The following RNF213 variants were observed in gnomAD, a reference collection of about 807,000 sequenced individuals.
The protein encoded by RNF213 is E3 ubiquitin-protein ligase RNF213.
Under a neutral mutation model 514.4 loss-of-function variants are expected in RNF213, and 341 were observed. The ratio of observed to expected loss-of-function variants is 0.66; its 90% CI spans 0.61 to 0.73. RNF213 has a LOEUF of 0.73. Among genes scored for constraint, RNF213 ranks in the 30% least tolerant of loss-of-function variants. RNF213 has a pLI of 0.00. For missense variants in RNF213, 5,767 were observed against 6,615.6 expected (o/e 0.87, Z 4.45); for synonymous variants, 2,655 against 2,658.2 (o/e 1.00, Z 0.04).
intron 20 of RNF213, 77 bp downstream of exon 20, chr17:80,328,554 T>C (rs768213323): frequency 9.3e-6 from 13 of 1,394,382 alleles, no homozygotes; most frequent in Non-Finnish European, 1.2e-5. Context: ...TGGATCACAG[T>C]AGCAGATCTT....
rs570412002 is a variant in RNF213, at chr17:80,328,762, AT to A, written c.3517+288del. ...AGAAGATGAGGGCTTAGAGCCACAC[AT>A]TTCTGGTCTGTGCCCTGCACACATC... is the stretch of plus-strand genomic sequence containing the variant. On this transcript the variant is annotated intron_variant, in intron 20 of 67. Transcript: ENST00000582970. Among the ~76,000 whole-genome samples the A allele has an allele frequency of 5.5e-3, 834 of 152,248 alleles. 4 individuals carry two copies. Among genetic ancestry groups the A allele is most frequent in the African/African-American group, 0.019 (787 of 41,538 alleles).
At position 80,378,441 on chromosome 17, in the gene RNF213, G is replaced by A. The variant is rs2079850515; in HGVS notation, c.13545+645G>A. Among the ~76,000 whole-genome samples the A allele has an allele frequency of 2.6e-5, 4 of 152,154 alleles. No individual in the cohort carries two copies. In the South Asian group the frequency reaches 8.3e-4, roughly 32 times the overall value. ...AGGCTGGTGGGTTGAGCTGACACGT[G>A]GTAGTTAGTTATTAGTATTACTTAC... On this transcript the variant is annotated intron_variant, in intron 54 of 67. Transcript: ENST00000582970.
intron 16 of RNF213, 136 bp from the exon 17 acceptor site, chr17:80,319,054 G>C: frequency 4.4e-6 from 7 of 1,585,990 alleles, no homozygotes; most frequent in Non-Finnish European, 6.0e-6. Context: ...TGCTTTGCGT[G>C]GGCCAGGAGA....
At chr17:80,313,839 GTGGAGGTAC>G (rs1446721200) in intron 15 of RNF213, among the ~76,000 whole-genome samples, 2 of 131,174 alleles carry the variant, frequency 1.5e-5, no homozygotes. Flanking sequence ...GGAGGTGATG[GTGGAGGTAC>G]TGGAGGTGAT....
rs375137546 is a variant in RNF213 at position 80,345,994 on chromosome 17, C to T, written c.7659C>T (p.Ala2553=). Residue 2553 remains alanine, a synonymous_variant, in exon 29 of 68, where the codon GCC becomes GCT. Transcript: ENST00000582970. The surrounding 1 kb of genome is among the most constrained non-coding windows in gnomAD (Gnocchi z 6.0). ...ACAGGGTTAGTATGGAGGAGACGGC[C>T]GACAGGCTGGGCTCCATTCCTCTGA... The part of the protein sequence containing the change: ...LGYRVSMEET[A]DRLGSIPLRQ... 88 of 1,614,032 alleles carry T rather than the reference C, an allele frequency of 5.5e-5. No individual in the cohort carries two copies. The highest frequency in any genetic ancestry group is 1.8e-4 in the East Asian group (8 of 44,896).
chr17:80,279,457 T>G (rs953721528), intron 3 of RNF213, among the ~76,000 whole-genome samples: 1 of 151,602 alleles, frequency 6.6e-6, no homozygotes, highest in Non-Finnish European at 1.5e-5. Flanking sequence ...CTCTTTTTCT[T>G]TTCTTTCTTT....
At chr17:80,380,743 C>T (rs886522472) in intron 55 of RNF213, 88 bp from the exon 56 acceptor site, 44 of 1,449,534 alleles carry the variant, frequency 3.0e-5, no homozygotes, top group South Asian at 6.8e-5. Context: ...TCTTCTCAGC[C>T]GTAAGCCTCA....
At chr17:80,340,608 G>GTTTTTTTTTTTTTTTTTTTTTTTTT (rs1203042611) in intron 26 of RNF213, 1 of 224,576 alleles carries the variant, frequency 4.5e-6, no homozygotes, top group Non-Finnish European at 8.1e-6. Flanking sequence ...TGTACTTTGT[G>GTTTTTTTTTTTTTTTTTTTTTTTTT]GTTTTTTTTT....
At position 80,347,719 on chromosome 17, in the gene RNF213, C is replaced by T. The variant is rs1167604490; in HGVS notation, c.9384C>T (p.Tyr3128=). The change falls in exon 29 of 68, where the codon TAC becomes TAT. Residue 3128 remains tyrosine (Y), a synonymous_variant. Coordinates refer to ENST00000582970, the MANE Select transcript of RNF213 (RefSeq NM_001256071.3). This position sits in a 1 kb window ranked among gnomAD's most constrained non-coding sequence, Gnocchi z 7.2. ...QYYVHLGGQK[Y]VDLGLGTHRV... ...ACGTCCACCTCGGCGGCCAGAAGTA[C>T]GTGGACCTCGGTCTGGGGACCCACC... The T allele has an allele frequency of 1.3e-5, 21 of 1,614,000 alleles. No homozygotes were observed. Among genetic ancestry groups the T allele is most frequent in the African/African-American group, 4.0e-5 (3 of 74,944 alleles).
chr17:80,352,549 G>A, intron 32 of RNF213: 1 of 549,032 alleles, frequency 1.8e-6, no homozygotes, highest in African/African-American at 1.9e-5. Context: ...CCAGAAACAG[G>A]AAAGTAAGTT....
chr17:80,298,029 G>A (rs907992361), intron 10 of RNF213, among the ~76,000 whole-genome samples: 10 of 152,208 alleles, frequency 6.6e-5, no homozygotes, highest in African/African-American at 2.4e-4. Flanking sequence ...CCCCAGCTCT[G>A]TCAGTCAGGA....
At chr17:80,300,001 G>A (rs1010575468) in intron 11 of RNF213, among the ~76,000 whole-genome samples, 1 of 152,094 alleles carries the variant, frequency 6.6e-6, no homozygotes, top group Admixed American at 6.6e-5. Context: ...CTTTGCTATT[G>A]TGAATTGTGC....
chr17:80,353,999 C>T lies in RNF213; in HGVS notation c.10579-20C>T. The T allele has an allele frequency of 1.2e-6, 2 of 1,613,508 alleles. No homozygotes were observed. The highest frequency in any genetic ancestry group is 1.1e-5 in the South Asian group (1 of 91,070). On this transcript the variant is annotated intron_variant, in intron 34 of 67. Transcript: ENST00000582970. This position sits in a 1 kb window ranked among gnomAD's most constrained non-coding sequence, Gnocchi z 5.0. ...TGTGTCAGTGGCAGAAACGGATGAC[C>T]CAACCGTCTCCACCAACAGGTGTCG...
chr17:80,327,470 G>T (rs1164472891), intron 18 of RNF213, among the ~76,000 whole-genome samples: 1 of 146,270 alleles, frequency 6.8e-6, no homozygotes, highest in Non-Finnish European at 1.5e-5. Flanking sequence ...GACAGAGAGA[G>T]ACCCTGTCAA....
At chr17:80,355,196 C>G in intron 36 of RNF213, 1 of 456,066 alleles carries the variant, frequency 2.2e-6, no homozygotes, top group Non-Finnish European at 4.4e-6. Flanking sequence ...TTTCCCATCT[C>G]TAAAAGACAG....
At chr17:80,295,480 G>A (rs1260156125) in intron 9 of RNF213, 77 bp from the exon 10 acceptor site, 3 of 1,571,530 alleles carry the variant, frequency 1.9e-6, no homozygotes, top group Non-Finnish European at 2.6e-6. Flanking sequence ...CCCTAGCTGT[G>A]GTGCTGGGGC....
chr17:80,330,481 G>A (rs1250415069), intron 20 of RNF213, among the ~76,000 whole-genome samples: 7 of 152,208 alleles, frequency 4.6e-5, no homozygotes, highest in Non-Finnish European at 7.3e-5. Context: ...TGGGAGCCAA[G>A]AGGGAGAAGC....
chr17:80,286,116 G>T (rs1329786356), intron 3 of RNF213, among the ~76,000 whole-genome samples: 1 of 152,204 alleles, frequency 6.6e-6, no homozygotes, highest in East Asian at 1.9e-4. Context: ...CACCAAGTGT[G>T]CCATTTCAGC....
intron 11 of RNF213, among the ~76,000 whole-genome samples, chr17:80,302,058 C>A (rs2045198306): frequency 6.6e-6 from 1 of 152,218 alleles, no homozygotes; most frequent in South Asian, 2.1e-4. Context: ...CATATTCCCA[C>A]TCATACGTGG....
Sources: gnomAD v4.1 joint callset for allele counts (sites outside exome capture counted in the v4.1 genomes callset) on GRCh38, gnomAD v4.1.1 for gene constraint, Gnocchi (gnomAD v3.1) non-coding constraint, MANE v1.5 for transcripts, NCBI Gene and HGNC (gene_info 2026-07-23, HGNC 2026-07-21) for gene names.